The following IKZF3 variants were observed in gnomAD, a reference collection of about 807,000 sequenced individuals.
IKZF3 encodes zinc finger protein Aiolos.
A neutral mutation model predicts 49.0 loss-of-function variants in IKZF3; 10 were observed. The ratio of observed to expected loss-of-function variants is 0.20; its 90% CI spans 0.13 to 0.35. IKZF3 has a LOEUF of 0.35. Among genes scored for constraint, IKZF3 ranks in the 10% least tolerant of loss-of-function variants. The pLI is 1.00. For synonymous variants in IKZF3, 209 were observed against 228.2 expected (o/e 0.92, Z 0.76); for missense variants, 498 against 664.8 (o/e 0.75, Z 2.76).
intron 6 of IKZF3, among the ~76,000 whole-genome samples, chr17:39,781,794 C>T (rs10445308): frequency 0.38 from 57,938 of 152,068 alleles, 12,191 homozygotes; most frequent in Non-Finnish European, 0.46. Context: ...TTTTATTCCT[C>T]GTTACCCACC....
chr17:39,814,190 C>A (rs1218604475), intron 3 of IKZF3, among the ~76,000 whole-genome samples: 1 of 152,056 alleles, frequency 6.6e-6, no homozygotes, highest in Admixed American at 6.5e-5. Flanking sequence ...TTTCAGCAAG[C>A]TTTCTAATTA....
intron 1 of IKZF3, among the ~76,000 whole-genome samples, chr17:39,841,259 G>C (rs1316406060): frequency 6.6e-6 from 1 of 152,096 alleles, no homozygotes; most frequent in Non-Finnish European, 1.5e-5. Context: ...AGGACATGCA[G>C]GGAGGAGGAC....
chr17:39,797,586 C>G (rs2061202746), intron 3 of IKZF3, among the ~76,000 whole-genome samples: 1 of 151,978 alleles, frequency 6.6e-6, no homozygotes, highest in African/African-American at 2.4e-5. Flanking sequence ...CCACACCTGG[C>G]TAATTTCTGT....
intron 3 of IKZF3, among the ~76,000 whole-genome samples, chr17:39,795,090 G>GTCTT (rs1489044490): frequency 3.3e-5 from 5 of 152,196 alleles, no homozygotes; most frequent in Non-Finnish European, 7.3e-5. Flanking sequence ...AATGTGTTGA[G>GTCTT]TCTTTCTGAA....
intron 1 of IKZF3, chr17:39,836,173 G>C (rs2062274880): frequency 1.5e-6 from 1 of 664,316 alleles, no homozygotes; most frequent in Non-Finnish European, 2.8e-6. Flanking sequence ...CAGCTTAAGG[G>C]GGCTCAGCAG....
intron 1 of IKZF3, among the ~76,000 whole-genome samples, chr17:39,832,693 G>C (rs2062147910): frequency 6.6e-6 from 1 of 152,050 alleles, no homozygotes; most frequent in Non-Finnish European, 1.5e-5. Context: ...ATCTCATGGA[G>C]GTGGAAAGTA....
rs1379577193 is a variant in IKZF3, at chr17:39,864,242, C to T, written c.-116G>A. ...GGGAGATTCCCGGCGCGGGGAGTCCCCGGGATCCGGCAGCCGCGTCGGCGC... is the reference window on the plus strand; with the variant it reads ...GGGAGATTCCCGGCGCGGGGAGTCCTCGGGATCCGGCAGCCGCGTCGGCGC... On this transcript the variant is annotated 5_prime_UTR_variant, in exon 1 of 8. Coordinates refer to ENST00000346872, the MANE Select transcript of IKZF3 (RefSeq NM_012481.5). The T allele has an allele frequency of 4.0e-6, 5 of 1,243,744 alleles. No individual in the cohort carries two copies. The highest frequency in any genetic ancestry group is 2.6e-5 in the East Asian group (1 of 38,710). 77.0% of individuals were successfully genotyped at this position (1,243,744 alleles called of 1,614,324 possible).
chr17:39,772,892 T>G (rs1271218598), intron 7 of IKZF3, among the ~76,000 whole-genome samples: 1 of 152,164 alleles, frequency 6.6e-6, no homozygotes, highest in African/African-American at 2.4e-5. Flanking sequence ...CTCGGCTTAC[T>G]GCAACTTCTG....
chr17:39,817,010 G>A (rs1285755397), intron 3 of IKZF3, among the ~76,000 whole-genome samples: 1 of 152,136 alleles, frequency 6.6e-6, no homozygotes, highest in East Asian at 1.9e-4. Context: ...CACCATGCCT[G>A]GCCAATATTA....
chr17:39,811,415 G>A (rs2061558151), intron 3 of IKZF3, among the ~76,000 whole-genome samples: 1 of 150,382 alleles, frequency 6.6e-6, no homozygotes, highest in African/African-American at 2.5e-5. Context: ...AGAAAGGAAG[G>A]AAGAAAAGGA....
At chr17:39,835,583 G>A (rs534761959) in intron 1 of IKZF3, 4 of 434,294 alleles carry the variant, frequency 9.2e-6, no homozygotes, top group African/African-American at 8.2e-5. Context: ...CCTTGGCCTG[G>A]CTGCGGTTGG....
rs149923137 is a variant in IKZF3, at chr17:39,828,875, C to T, written c.163+512G>A. Among the ~76,000 whole-genome samples, 356 of 152,068 alleles carry T rather than the reference C, an allele frequency of 2.3e-3. 1 individual carries two copies. Among genetic ancestry groups the T allele is most frequent in the African/African-American group, 7.8e-3 (323 of 41,454 alleles). On this transcript the variant is annotated intron_variant, in intron 3 of 7. Transcript: ENST00000346872. The stretch of plus-strand genomic sequence containing the variant: ...AATTAGCCGGGCATGGTGGTGGGCG[C>T]CTGTAATCTCGGCTATTTGGGAGAC...
rs970605914 is a variant in IKZF3, at chr17:39,864,216, C to T, written c.-90G>A. On this transcript the variant is annotated 5_prime_UTR_variant, in exon 1 of 8. Transcript: ENST00000346872. ...TCGCCTGGACTCAGCGCGCAGCTGGCGGGAGATTCCCGGCGCGGGGAGTCC... is the reference window on the plus strand; with the variant it reads ...TCGCCTGGACTCAGCGCGCAGCTGGTGGGAGATTCCCGGCGCGGGGAGTCC... 5 of 1,472,980 alleles carry T rather than the reference C, an allele frequency of 3.4e-6. No homozygotes were observed. The African/African-American group carries it at 4.4e-5, about 13-fold the overall frequency. The allele number at this position is 1,472,980 out of a possible 1,614,324, so 91.2% of individuals were successfully genotyped here.
chr17:39,851,574 G>A (rs1850041814), intron 1 of IKZF3, among the ~76,000 whole-genome samples: 4 of 152,084 alleles, frequency 2.6e-5, no homozygotes, highest in African/African-American at 7.2e-5. Context: ...AGCATATATT[G>A]TAAAATTAAT....
At chr17:39,839,856 C>T (rs146694654) in intron 1 of IKZF3, among the ~76,000 whole-genome samples, 38 of 151,774 alleles carry the variant, frequency 2.5e-4, no homozygotes, top group Non-Finnish European at 2.7e-4. Context: ...GTGGGGGTCT[C>T]GCCATGTTGC....
chr17:39,770,355 C>T (rs1032955588), intron 7 of IKZF3, among the ~76,000 whole-genome samples: 15 of 152,320 alleles, frequency 9.8e-5, no homozygotes, highest in Middle Eastern at 3.4e-3. Flanking sequence ...AAAATACACA[C>T]GGCAACAGCA....
chr17:39,779,149 T>C (rs973044013), intron 6 of IKZF3, among the ~76,000 whole-genome samples: 1 of 152,178 alleles, frequency 6.6e-6, no homozygotes, highest in Non-Finnish European at 1.5e-5. Context: ...CAGCAGGCAG[T>C]GCCCAAATTT....
At chr17:39,852,439 C>T (rs2062904913) in intron 1 of IKZF3, among the ~76,000 whole-genome samples, 2 of 152,176 alleles carry the variant, frequency 1.3e-5, no homozygotes, top group Non-Finnish European at 2.9e-5. Flanking sequence ...CCTTATCTTG[C>T]TTGATTTCTC....
At chr17:39,793,085 G>A in intron 3 of IKZF3, 152 bp from the exon 4 acceptor site, 1 of 749,774 alleles carries the variant, frequency 1.3e-6, no homozygotes, top group East Asian at 2.6e-5. Context: ...CCATTAGCGT[G>A]ACCGCACGTT....
Sources: allele counts gnomAD v4.1 joint callset (sites outside exome capture counted in the v4.1 genomes callset), GRCh38; gene constraint gnomAD v4.1.1; transcripts MANE v1.5; gene names NCBI Gene and HGNC (gene_info 2026-07-23, HGNC 2026-07-21).